Variants in CEP128 observed in about 807,000 individuals in gnomAD.
CEP128 encodes centrosomal protein 128kDa.
A neutral mutation model predicts 156.7 loss-of-function variants in CEP128; 132 were observed. The ratio of observed to expected loss-of-function variants is 0.84; its 90% confidence interval spans 0.73 to 0.97. CEP128 has a LOEUF of 0.97. Among genes scored for constraint, CEP128 ranks in the 50% least tolerant of loss-of-function variants. CEP128 has a pLI of 0.00. For missense variants in CEP128, 1,252 were observed against 1,281.9 expected (o/e 0.98, Z 0.36); for synonymous variants, 469 against 448.9 (o/e 1.04, Z -0.57).
intron 23 of CEP128, among the ~76,000 whole-genome samples, chr14:80,521,149 T>A (rs185516597): frequency 6.6e-6 from 1 of 152,136 alleles, no homozygotes. Flanking sequence ...TTAAAGTGAC[T>A]ATTTTAAAGG....
intron 8 of CEP128, among the ~76,000 whole-genome samples, chr14:80,866,474 C>T (rs972178643): frequency 1.3e-5 from 2 of 152,136 alleles, no homozygotes; most frequent in African/African-American, 2.4e-5. Flanking sequence ...ACTCATAAAC[C>T]CAGACAACAG....
chr14:80,774,261 CCA>C (rs1446949503), intron 16 of CEP128, among the ~76,000 whole-genome samples: 1 of 152,062 alleles, frequency 6.6e-6, no homozygotes, highest in Non-Finnish European at 1.5e-5. Flanking sequence ...CAATCTAAAA[CCA>C]CACAGTCAAA....
chr14:80,488,848 A>G (rs1267727491), downstream of CEP128, among the ~76,000 whole-genome samples: 5 of 152,130 alleles, frequency 3.3e-5, no homozygotes, highest in East Asian at 5.8e-4. Context: ...CATGGATGAA[A>G]CTGGAAACCA....
At chr14:80,766,334 AAC>A (rs1285959010) in intron 16 of CEP128, among the ~76,000 whole-genome samples, 2 of 152,096 alleles carry the variant, frequency 1.3e-5, no homozygotes, top group Non-Finnish European at 2.9e-5. Context: ...TCTCATGATA[AAC>A]ACACACACAC....
chr14:80,494,879 G>A (rs1887440117), downstream of CEP128, among the ~76,000 whole-genome samples: 1 of 152,166 alleles, frequency 6.6e-6, no homozygotes, highest in South Asian at 2.1e-4. Flanking sequence ...TGCATAAAAC[G>A]TTACATAACC....
At position 80,746,971 on chromosome 14, in the gene CEP128, C is replaced by A. The variant is rs1899133659; in HGVS notation, c.2614-3704G>T. 2.0e-5 allele frequency among the ~76,000 whole-genome samples: 3 copies of A among 152,248 alleles called. No homozygotes were observed. The South Asian group carries it at 6.2e-4, about 32-fold the overall frequency. ...AAGATATATAAATAGCCAATAAGCACATGAAAAGATGCTGAACATCATTAG... is the reference window on the plus strand; with the variant it reads ...AAGATATATAAATAGCCAATAAGCAAATGAAAAGATGCTGAACATCATTAG... On this transcript the variant is annotated intron_variant, in intron 18 of 24. Transcript: ENST00000555265.
intron 21 of CEP128, among the ~76,000 whole-genome samples, chr14:80,550,341 TCA>T (rs1227243107): frequency 1.3e-5 from 2 of 152,176 alleles, no homozygotes; most frequent in Non-Finnish European, 2.9e-5. Flanking sequence ...TGTATCTCTC[TCA>T]CACAGATTTT....
In CEP128 at chr14:80,690,952, TTAATAA is replaced by T. The variant is rs1248698154; in HGVS notation, c.2806+52117_2806+52122del. On this transcript the variant is annotated intron_variant, in intron 19 of 24. Transcript: ENST00000555265. ...CACATCAAAAAACACAAACATACTCTTAATAATATCTCTGATAAAATGACAATATTG... is the reference window on the plus strand; with the variant it reads ...CACATCAAAAAACACAAACATACTCTTATCTCTGATAAAATGACAATATTG... Among the ~76,000 whole-genome samples the T allele has an allele frequency of 2.0e-5, 3 of 152,198 alleles. No homozygotes were observed. In the East Asian group the frequency reaches 5.8e-4, roughly 29 times the overall value.
At chr14:80,814,859 C>A (rs953498660) in intron 13 of CEP128, among the ~76,000 whole-genome samples, 1 of 152,120 alleles carries the variant, frequency 6.6e-6, no homozygotes, top group African/African-American at 2.4e-5. Context: ...GAGTTCGAGA[C>A]CAACCTGACC....
In CEP128 at chr14:80,743,278, A is replaced by C. The variant is rs771263296; in HGVS notation, c.2614-11T>G. 1 of 1,576,464 alleles carries C rather than the reference A, an allele frequency of 6.3e-7. No individual in the cohort carries two copies. The highest frequency in any genetic ancestry group is 1.7e-5 in the Admixed American group (1 of 59,420). ...CCACTGAAGTTTAGTCTAAAAAATA[A>C]CATTTATATCTAATGGTTAAAGAAA... On this transcript the variant is annotated splice_polypyrimidine_tract_variant and intron_variant, in intron 18 of 24. Transcript: ENST00000555265.
chr14:80,883,859 T>A lies in CEP128; in HGVS notation c.645+11859A>T, dbSNP rs540558856. ...CACAGCTATAGTAACCAAAACAGCA[T>A]AGAACTGGCATAGAAACAGAAACAT... is the stretch of plus-strand genomic sequence containing the variant. On this transcript the variant is annotated intron_variant, in intron 8 of 24. Coordinates refer to ENST00000555265, the MANE Select transcript of CEP128 (RefSeq NM_152446.5). Among the ~76,000 whole-genome samples, 5 of 152,246 alleles carry A rather than the reference T, an allele frequency of 3.3e-5. 1 individual carries two copies. Among genetic ancestry groups the A allele is most frequent in the African/African-American group, 1.2e-4 (5 of 41,546 alleles).
intron 13 of CEP128, among the ~76,000 whole-genome samples, chr14:80,808,494 C>A (rs919400965): frequency 2.6e-5 from 4 of 152,192 alleles, no homozygotes; most frequent in Admixed American, 6.5e-5. Context: ...ACTGCCATCA[C>A]TCATACCGCA....
At chr14:80,506,837 A>G (rs920179123) in intron 23 of CEP128, among the ~76,000 whole-genome samples, 1 of 152,118 alleles carries the variant, frequency 6.6e-6, no homozygotes, top group Admixed American at 6.5e-5. Flanking sequence ...TCATGTTCCA[A>G]AGGGAGATGA....
chr14:80,955,567 C>G, intron 2 of CEP128: 1 of 1,336,282 alleles, frequency 7.5e-7, no homozygotes, highest in South Asian at 1.2e-5. Flanking sequence ...GGAGCCCTCC[C>G]TCTTCCCACC....
At chr14:80,536,713 A>T (rs1889500064) in intron 21 of CEP128, among the ~76,000 whole-genome samples, 1 of 152,176 alleles carries the variant, frequency 6.6e-6, no homozygotes, top group Non-Finnish European at 1.5e-5. Context: ...TAAGACACTC[A>T]CTGGAACCAC....
At chr14:80,783,238 TG>T (rs1901221501) in intron 15 of CEP128, among the ~76,000 whole-genome samples, 2 of 152,330 alleles carry the variant, frequency 1.3e-5, no homozygotes, top group South Asian at 4.1e-4. Flanking sequence ...TTCTCTATGT[TG>T]GCAATAGTAT....
In CEP128 at chr14:80,895,781, G is replaced by C; in HGVS notation, c.582C>G (p.Ala194=). ...ATTCTTCCAAAGCCCTTTTTGTTTC[G>C]GCATCTGACCTAGGAAGAAAAAAAA... The part of the protein sequence containing the change: ...RELSRRSRSD[A]ETKRALEELT... Residue 194 remains alanine (A), a synonymous_variant, in exon 8 of 25, where the codon GCC becomes GCG. Coordinates refer to ENST00000555265, the MANE Select transcript of CEP128 (RefSeq NM_152446.5). 1.3e-6 allele frequency: 2 copies of C among 1,514,622 alleles called. No individual in the cohort carries two copies. Among genetic ancestry groups the C allele is most frequent in the Non-Finnish European group, 8.8e-7 (1 of 1,131,988 alleles). 93.8% of individuals were successfully genotyped at this position (1,514,622 alleles called of 1,614,324 possible).
chr14:80,815,053 G>A (rs528316843), intron 13 of CEP128, among the ~76,000 whole-genome samples: 28 of 151,884 alleles, frequency 1.8e-4, no homozygotes, highest in Non-Finnish European at 2.8e-4. Flanking sequence ...GCGAGACTCC[G>A]TCTCAAAAAG....
At position 80,905,958 on chromosome 14, in the gene CEP128, A is replaced by T; in HGVS notation, c.358T>A (p.Ser120Thr). 6.2e-7 allele frequency: 1 copy of T among 1,611,962 alleles called. No homozygotes were observed. Among genetic ancestry groups the T allele is most frequent in the Non-Finnish European group, 8.5e-7 (1 of 1,179,296 alleles). The change falls in exon 5 of 25, where the codon TCA becomes ACA. Residue 120 changes from serine (S) to threonine (T), a missense_variant. Physicochemically the swap from Ser to Thr is moderately conservative, Grantham distance 58. Coordinates refer to ENST00000555265, the MANE Select transcript of CEP128 (RefSeq NM_152446.5). Reference protein sequence around the residue: ...SASDLDGGTGSELHHFPPTSP... With the variant: ...SASDLDGGTGTELHHFPPTSP... ...TCAGAACATTTGAAGTGTTTACCTG[A>T]CCCAGTGCCACCATCAAGGTCACTT...
Sources: gnomAD v4.1 joint callset for allele counts (sites outside exome capture counted in the v4.1 genomes callset) on GRCh38, gnomAD v4.1.1 for gene constraint, MANE v1.5 for transcripts, NCBI Gene and HGNC (gene_info 2026-07-23, HGNC 2026-07-21) for gene names.